Variants in PDS5B observed in about 807,000 individuals in gnomAD.
PDS5B encodes PDS5 cohesin associated factor B.
PDS5B carries 51 observed loss-of-function variants against 184.1 expected under a neutral mutation model. The observed-to-expected ratio is 0.28, with a 90% CI of 0.22 to 0.35. PDS5B has a LOEUF of 0.35. Ranked by LOEUF, PDS5B falls within the 10% of genes least tolerant of loss-of-function variation. The pLI, the probability that PDS5B is intolerant of heterozygous loss-of-function variation, is 1.00. For missense variants in PDS5B, 1,180 were observed against 1,723.3 expected, an observed-to-expected ratio of 0.68 and a Z score of 5.58; for synonymous variants, 566 against 569.2, an observed-to-expected ratio of 0.99 and a Z score of 0.08.
intron 1 of PDS5B, among the ~76,000 whole-genome samples, chr13:32,603,671 A>C: frequency 6.6e-6 from 1 of 152,336 alleles, no homozygotes; most frequent in Middle Eastern, 3.4e-3. Flanking sequence ...CATTCAATCT[A>C]TAAATTACCT....
intron 8 of PDS5B, among the ~76,000 whole-genome samples, chr13:32,673,903 C>T (rs1023934508): frequency 6.6e-6 from 1 of 151,838 alleles, no homozygotes; most frequent in Non-Finnish European, 1.5e-5. Flanking sequence ...GCAACCTGTG[C>T]CTCTCGGGAT....
At chr13:32,747,586 C>CA (rs5802658) in intron 24 of PDS5B, among the ~76,000 whole-genome samples, 42,785 of 106,262 alleles carry the variant, frequency 0.4, 8,101 homozygotes, top group Non-Finnish European at 0.5. Flanking sequence ...GACTCCATCT[C>CA]AAAAAAAAAA....
At chr13:32,602,460 G>A (rs1315452458) in intron 1 of PDS5B, among the ~76,000 whole-genome samples, 1 of 152,144 alleles carries the variant, frequency 6.6e-6, no homozygotes, top group South Asian at 2.1e-4. Context: ...GTATTCCATG[G>A]TGTATATGTG....
intron 30 of PDS5B, among the ~76,000 whole-genome samples, chr13:32,764,150 G>T (rs1035083992): frequency 2.6e-5 from 4 of 152,012 alleles, no homozygotes; most frequent in Admixed American, 6.6e-5. Flanking sequence ...AATAGAATAG[G>T]GTAAGGAACC....
chr13:32,637,898 C>G (rs1165190964), intron 1 of PDS5B, among the ~76,000 whole-genome samples: 1 of 152,064 alleles, frequency 6.6e-6, no homozygotes, highest in South Asian at 2.1e-4. Flanking sequence ...ACAAATCACC[C>G]GAAGACTGAC....
intron 31 of PDS5B, among the ~76,000 whole-genome samples, chr13:32,769,226 C>A (rs1031305263): frequency 6.6e-6 from 1 of 152,082 alleles, no homozygotes; most frequent in Non-Finnish European, 1.5e-5. Context: ...CCCACTAACA[C>A]CGCAGTAGTC....
At chr13:32,657,194 G>T (rs1345110215) in intron 3 of PDS5B, among the ~76,000 whole-genome samples, 1 of 152,124 alleles carries the variant, frequency 6.6e-6, no homozygotes, top group Non-Finnish European at 1.5e-5. Context: ...CACTATTATT[G>T]TGTCATTATC....
rs1303360814 is a variant in PDS5B, at chr13:32,776,085, T to C, written c.*1033T>C. On this transcript the variant is annotated 3_prime_UTR_variant, in exon 35 of 35. Coordinates refer to ENST00000315596, the MANE Select transcript of PDS5B (RefSeq NM_015032.4). ...AAATTTTATTGATGCAGTGTGTCTT[T>C]ATAAAGCTGTTCTTGAAAGCCAAGT... 6.5e-6 allele frequency: 1 copy of C among 154,370 alleles called. No homozygotes were observed. Among genetic ancestry groups the C allele is most frequent in the Non-Finnish European group, 1.4e-5 (1 of 69,280 alleles). The allele number at this position is 154,370 out of a possible 1,614,324, so 9.6% of individuals were successfully genotyped here.
chr13:32,617,534 A>G (rs1382383004), intron 1 of PDS5B, among the ~76,000 whole-genome samples: 2 of 152,194 alleles, frequency 1.3e-5, no homozygotes, highest in Non-Finnish European at 2.9e-5. Flanking sequence ...AAGATTTTTT[A>G]CAGGTATTCA....
chr13:32,740,305 A>G (rs550971627), intron 21 of PDS5B, among the ~76,000 whole-genome samples: 1 of 152,332 alleles, frequency 6.6e-6, no homozygotes, highest in South Asian at 2.1e-4. Flanking sequence ...TAGAAATTTC[A>G]TCACAAGGTG....
intron 1 of PDS5B, among the ~76,000 whole-genome samples, chr13:32,620,775 C>T (rs1159423718): frequency 2.0e-5 from 3 of 151,910 alleles, no homozygotes; most frequent in African/African-American, 7.3e-5. Context: ...GGTAGATAAC[C>T]TTTGTCAGGT....
chr13:32,642,512 A>G (rs965551016), intron 1 of PDS5B, among the ~76,000 whole-genome samples: 2 of 152,172 alleles, frequency 1.3e-5, no homozygotes, highest in African/African-American at 2.4e-5. Flanking sequence ...TTTAAGGTCT[A>G]TAGAGTTTGC....
At chr13:32,592,238 G>A (rs1321516937) in intron 1 of PDS5B, among the ~76,000 whole-genome samples, 2 of 152,108 alleles carry the variant, frequency 1.3e-5, no homozygotes, top group Non-Finnish European at 2.9e-5. Flanking sequence ...CCCCAGAGAT[G>A]AGGTGTGCTT....
At position 32,622,484 on chromosome 13, in the gene PDS5B, T is replaced by G. The variant is rs551716841; in HGVS notation, c.-19-26270T>G. On this transcript the variant is annotated intron_variant, in intron 1 of 34. Coordinates refer to ENST00000315596, the MANE Select transcript of PDS5B (RefSeq NM_015032.4). Reference sequence around the variant, plus strand: ...TTGTCATTAGTTTTTGTAAATGTTATATGTGTGCTTGAAAAGACTGTGTAA... The same window carrying G: ...TTGTCATTAGTTTTTGTAAATGTTAGATGTGTGCTTGAAAAGACTGTGTAA... Among the ~76,000 whole-genome samples, 5 of 152,284 alleles carry G rather than the reference T, an allele frequency of 3.3e-5. No individual in the cohort carries two copies. In the South Asian group the frequency reaches 1.0e-3, roughly 32 times the overall value.
chr13:32,704,460 T>A (rs1444131063), intron 17 of PDS5B, among the ~76,000 whole-genome samples: 1 of 152,236 alleles, frequency 6.6e-6, no homozygotes, highest in Non-Finnish European at 1.5e-5. Flanking sequence ...TGAGCCACTG[T>A]GCCCCGGCCT....
At chr13:32,648,713 A>G (rs2140654361) in intron 1 of PDS5B, 41 bp from the exon 2 acceptor site, 1 of 786,970 alleles carries the variant, frequency 1.3e-6, no homozygotes, top group East Asian at 2.4e-5. Flanking sequence ...GAATGTTTAT[A>G]TCTATTTTTT....
At chr13:32,696,102 C>T (rs370790182) in intron 14 of PDS5B, among the ~76,000 whole-genome samples, 3 of 152,044 alleles carry the variant, frequency 2.0e-5, no homozygotes, top group African/African-American at 4.8e-5. Flanking sequence ...AACTTTATTA[C>T]GCTTTAACTC....
intron 20 of PDS5B, among the ~76,000 whole-genome samples, chr13:32,733,032 G>A (rs577153620): frequency 2.0e-5 from 3 of 152,166 alleles, no homozygotes; most frequent in Non-Finnish European, 4.4e-5. Flanking sequence ...CATCTTTCCT[G>A]TAGATAGCAG....
chr13:32,650,151 A>G (rs1950331728), intron 2 of PDS5B: 1 of 152,164 alleles, frequency 6.6e-6, no homozygotes, highest in Admixed American at 6.5e-5. Flanking sequence ...AATGAGTTTT[A>G]TAACAGCATT....
Sources: gnomAD v4.1 joint callset for allele counts (sites outside exome capture counted in the v4.1 genomes callset) on GRCh38, gnomAD v4.1.1 for gene constraint, MANE v1.5 for transcripts, NCBI Gene and HGNC (gene_info 2026-07-23, HGNC 2026-07-21) for gene names.